The following MYH1 variants were observed in gnomAD, a reference collection of about 807,000 sequenced individuals.
The protein encoded by MYH1 is myosin heavy chain 1.
MYH1 carries 214 observed loss-of-function variants against 225.6 expected under a neutral mutation model. The ratio of observed to expected loss-of-function variants is 0.95; its 90% CI spans 0.85 to 1.06. The LOEUF is 1.06. MYH1 is among the 50% of genes least tolerant of loss of function. The pLI is 0.00. For missense variants in MYH1, 2,098 were observed against 2,344.2 expected (o/e 0.89, Z 2.17); for synonymous variants, 774 against 842.3 (o/e 0.92, Z 1.40).
Position 10,505,865 on chromosome 17 carries a change from G to A in MYH1, c.2121C>T (p.Arg707=). The change falls in exon 19 of 40, where the codon CGC becomes CGT. Residue 707 remains arginine, a synonymous_variant. Transcript: ENST00000226207. ...TGCTTGGGAAGCCTTTCCTGCAGATGCGGATGCCTTCCAGCACACCGTTAC... is the reference window on the plus strand; with the variant it reads ...TGCTTGGGAAGCCTTTCCTGCAGATACGGATGCCTTCCAGCACACCGTTAC... ...LRCNGVLEGI[R]ICRKGFPSRI... is the part of the protein sequence containing the mutation. 1 of 1,614,114 alleles carries A rather than the reference G, an allele frequency of 6.2e-7. No homozygotes were observed. Among genetic ancestry groups the A allele is most frequent in the Non-Finnish European group, 8.5e-7 (1 of 1,179,982 alleles).
rs1455088331 is a variant in MYH1, at chr17:10,518,248, T to A, written c.-49A>T. 2 of 151,994 alleles carry A rather than the reference T, an allele frequency of 1.3e-5. No homozygotes were observed. Among genetic ancestry groups the A allele is most frequent in the East Asian group, 3.9e-4 (2 of 5,180 alleles). The allele number at this position is 151,994 out of a possible 1,614,324, so 9.4% of individuals were successfully genotyped here. On this transcript the variant is annotated 5_prime_UTR_variant, in exon 2 of 40. Transcript: ENST00000226207. ...AAAAATCAGAATCTTACCGTAGAGA[T>A]GCGACCTTAAAGTGGATCAGAACTG... is the stretch of plus-strand genomic sequence containing the variant.
intron 29 of MYH1, 34 bp from the exon 30 acceptor site, chr17:10,498,856 A>G (rs765530326): frequency 5.0e-6 from 8 of 1,611,196 alleles, no homozygotes; most frequent in South Asian, 2.2e-5. Context: ...TTAATTTTAT[A>G]TATTTAAAGT....
chr17:10,511,886 G>A lies in MYH1; in HGVS notation c.1369C>T (p.Gln457Ter), dbSNP rs771338447. 2 of 1,614,184 alleles carry A rather than the reference G, an allele frequency of 1.2e-6. No individual in the cohort carries two copies. The highest frequency in any genetic ancestry group is 1.7e-6 in the Non-Finnish European group (2 of 1,180,032). Residue 457 changes from glutamine to a stop codon, truncating the protein, a stop_gained, in exon 14 of 40, where the codon CAG (glutamine) becomes TAG (stop). Coordinates refer to ENST00000226207, the MANE Select transcript of MYH1 (RefSeq NM_005963.4). LOFTEE classifies it high-confidence loss of function. ...ATGTCCAAGACCCCAATGAAGTACT[G>A]CCTGGGCTGCTTGGTGTCCAGCTGC... is the stretch of plus-strand genomic sequence containing the variant. The part of the protein sequence containing the change: ...NQQLDTKQPR[Q>*]YFIGVLDIAG...
rs759661049 is a variant in MYH1, at chr17:10,492,496, C to T, written c.5740G>A (p.Ala1914Thr). ...QHELEEAEERADIAESQVNKL... is the reference protein window; with the variant it reads ...QHELEEAEERTDIAESQVNKL... Reference sequence around the variant, plus strand: ...TTGACCTGGGACTCAGCAATGTCAGCCCGTTCCTCGGCCTCCTCCAGCTCG... The same window carrying T: ...TTGACCTGGGACTCAGCAATGTCAGTCCGTTCCTCGGCCTCCTCCAGCTCG... The change falls in exon 40 of 40, where the codon GCT becomes ACT. Residue 1914 changes from alanine (A) to threonine (T), a missense_variant. By Grantham distance (58) the Ala-to-Thr change is moderately conservative. Transcript: ENST00000226207. The T allele has an allele frequency of 6.2e-7, 1 of 1,614,022 alleles. No homozygotes were observed.
intron 39 of MYH1, among the ~76,000 whole-genome samples, chr17:10,493,565 T>G (rs1486395323): frequency 6.6e-6 from 1 of 152,232 alleles, no homozygotes; most frequent in Non-Finnish European, 1.5e-5. Context: ...AACCAAGACC[T>G]TCTGAGTTTC....
Position 10,497,368 on chromosome 17 carries a change from C to A in MYH1, c.4450G>T (p.Glu1484Ter). 3 of 1,613,874 alleles carry A rather than the reference C, an allele frequency of 1.9e-6. No individual in the cohort carries two copies. Among genetic ancestry groups the A allele is most frequent in the Non-Finnish European group, 2.5e-6 (3 of 1,179,982 alleles). ...TAAGCATTCTTAATCTTAAATAGTT[C>A]TGTGCTGAGTGAGCGGGATTCCTTT... ...SQKESRSLST[E>*]LFKIKNAYEE... is the part of the protein sequence containing the mutation. The change falls in exon 32 of 40, where the codon GAA becomes TAA. Residue 1484 changes from glutamate (E) to a stop codon, truncating the protein, a stop_gained. Coordinates refer to ENST00000226207, the MANE Select transcript of MYH1 (RefSeq NM_005963.4). LOFTEE classifies it high-confidence loss of function.
intron 22 of MYH1, 128 bp from the exon 23 acceptor site, chr17:10,503,376 C>T (rs1460330003): frequency 7.5e-7 from 1 of 1,327,834 alleles, no homozygotes; most frequent in African/African-American, 1.5e-5. Flanking sequence ...TAGCTTTCTA[C>T]CATTCAGTAA....
At chr17:10,513,563 A>C (rs867832369) in intron 9 of MYH1, 63 bp downstream of exon 9, 6 of 1,496,040 alleles carry the variant, frequency 4.0e-6, no homozygotes, top group East Asian at 2.3e-5. Flanking sequence ...AGGAGCTGCA[A>C]AGTGTTCCTC....
chr17:10,503,697 T>C (rs987141386), intron 22 of MYH1, among the ~76,000 whole-genome samples: 4 of 152,170 alleles, frequency 2.6e-5, no homozygotes, highest in Non-Finnish European at 4.4e-5. Flanking sequence ...AGGTGATGCT[T>C]AGAGAAGTAG....
intron 21 of MYH1, 31 bp downstream of exon 21, chr17:10,505,132 A>G: frequency 1.2e-6 from 2 of 1,613,564 alleles, no homozygotes; most frequent in Middle Eastern, 1.7e-4. Flanking sequence ...ACCTAAGATG[A>G]TGAGGTTAAG....
At chr17:10,500,202 G>A (rs574159966) in intron 28 of MYH1, among the ~76,000 whole-genome samples, 6 of 152,176 alleles carry the variant, frequency 3.9e-5, no homozygotes, top group African/African-American at 1.4e-4. Flanking sequence ...GACTAATGAG[G>A]AAAATAAAGT....
In MYH1 at chr17:10,511,928, C is replaced by A; in HGVS notation, c.1327G>T (p.Val443Phe). ...AVYDKMFLWM[V>F]TRINQQLDTK... ...TCCAGCTGCTGGTTGATGCGGGTGA[C>A]CATCCACAAGAACATCTTATCGTAG... The change falls in exon 14 of 40, where the codon GTC becomes TTC. Residue 443 changes from valine to phenylalanine, a missense_variant. Coordinates refer to ENST00000226207, the MANE Select transcript of MYH1 (RefSeq NM_005963.4). The A allele has an allele frequency of 1.2e-6, 2 of 1,614,152 alleles. No individual in the cohort carries two copies. Among genetic ancestry groups the A allele is most frequent in the Non-Finnish European group, 1.7e-6 (2 of 1,180,030 alleles).
chr17:10,505,550 A>G (rs1451879545), intron 19 of MYH1, 39 bp from the exon 20 acceptor site: 1 of 1,605,274 alleles, frequency 6.2e-7, no homozygotes, highest in Non-Finnish European at 8.5e-7. Flanking sequence ...GGCTGTTGCC[A>G]CAGACAAGAA....
chr17:10,498,021 G>C, intron 30 of MYH1, 104 bp from the exon 31 acceptor site: 1 of 1,121,060 alleles, frequency 8.9e-7, no homozygotes, highest in South Asian at 1.7e-5. Flanking sequence ...TTAATACTTT[G>C]CTTCTCAAGC....
chr17:10,510,137 C>A (rs1567721381), intron 14 of MYH1, among the ~76,000 whole-genome samples: 2 of 152,012 alleles, frequency 1.3e-5, no homozygotes, highest in South Asian at 4.2e-4. Flanking sequence ...ACATGGACCC[C>A]TGAACTTAAA....
chr17:10,516,145 T>C, intron 4 of MYH1, 54 bp downstream of exon 4: 1 of 1,613,268 alleles, frequency 6.2e-7, no homozygotes, highest in Non-Finnish European at 8.5e-7. Context: ...ATCTACTACT[T>C]TTCAAAAACT....
intron 2 of MYH1, 50 bp downstream of exon 2, chr17:10,518,190 G>A (rs887657026): frequency 2.0e-5 from 3 of 151,612 alleles, no homozygotes; most frequent in African/African-American, 7.3e-5. Flanking sequence ...CACTGCAGAA[G>A]ATTCCTTGCA....
At position 10,501,156 on chromosome 17, in the gene MYH1, T is replaced by G. The variant is rs2073050800; in HGVS notation, c.3692A>C (p.Glu1231Ala). 1 of 1,614,082 alleles carries G rather than the reference T, an allele frequency of 6.2e-7. No homozygotes were observed. Among genetic ancestry groups the G allele is most frequent in the Non-Finnish European group, 8.5e-7 (1 of 1,179,944 alleles). ...CATGTTACTAGCAAGGTCATCGATC[T>G]CCATCTTCATCTCACTCTTCTCCTT... ...LEKEKSEMKMEIDDLASNMET... is the reference protein window; with the variant it reads ...LEKEKSEMKMAIDDLASNMET... The change falls in exon 27 of 40, where the codon GAG becomes GCG. Residue 1231 changes from glutamate to alanine, a missense_variant. Coordinates refer to ENST00000226207, the MANE Select transcript of MYH1 (RefSeq NM_005963.4).
chr17:10,503,541 G>T (rs2073078695), intron 22 of MYH1, among the ~76,000 whole-genome samples: 1 of 152,054 alleles, frequency 6.6e-6, no homozygotes, highest in South Asian at 2.1e-4. Context: ...TTATTTTCAG[G>T]AGCATTCAAT....
Sources: allele counts gnomAD v4.1 joint callset (sites outside exome capture counted in the v4.1 genomes callset), GRCh38; gene constraint gnomAD v4.1.1; transcripts MANE v1.5; gene names NCBI Gene and HGNC (gene_info 2026-07-23, HGNC 2026-07-21).